The following FLNB variants were observed in gnomAD, a reference collection of about 807,000 sequenced individuals.
FLNB encodes the protein filamin B.
FLNB carries 111 observed loss-of-function variants against 250.6 expected under a neutral mutation model. The ratio of observed to expected loss-of-function variants is 0.44; its 90% CI spans 0.38 to 0.52. The LOEUF (loss-of-function observed/expected upper bound fraction) is 0.52. Ranked by LOEUF, FLNB falls within the 20% of genes least tolerant of loss-of-function variation. The pLI is 0.00. For missense variants in FLNB, 2,869 were observed against 3,447.8 expected (o/e 0.83, Z 4.20); for synonymous variants, 1,302 against 1,372.1 (o/e 0.95, Z 1.13).
intron 14 of FLNB, 96 bp downstream of exon 14, chr3:58,109,418 A>G (rs1487324670): frequency 6.3e-7 from 1 of 1,585,230 alleles, no homozygotes; most frequent in Non-Finnish European, 8.6e-7. Flanking sequence ...AGACATATGG[A>G]AGGAACCCAT....
intron 43 of FLNB, chr3:58,165,353 G>A (rs1376843690): frequency 6.6e-6 from 1 of 152,272 alleles, no homozygotes; most frequent in Non-Finnish European, 1.5e-5. Flanking sequence ...AGCCAGGAGG[G>A]GAGAGGTACA....
chr3:58,042,731 C>A (rs1038082390), intron 1 of FLNB, among the ~76,000 whole-genome samples: 1 of 152,082 alleles, frequency 6.6e-6, no homozygotes, highest in Admixed American at 6.5e-5. Flanking sequence ...GTTGCCCAGG[C>A]TGGTCTCGAA....
rs754939627 is a variant in FLNB, at chr3:58,170,618, C to G, written c.7665C>G (p.Pro2555=). ...LLIGVHGPTT[P]CEEVSMKHVG... ...TCGGGGTCCATGGGCCCACCACCCC[C>G]TGCGAGGAGGTCTCCATGAAGCATG... The change falls in exon 46 of 46, where the codon CCC becomes CCG. Residue 2555 remains proline, a synonymous_variant. Transcript: ENST00000295956. The G allele has an allele frequency of 6.2e-7, 1 of 1,614,128 alleles. No homozygotes were observed. Among genetic ancestry groups the G allele is most frequent in the Non-Finnish European group, 8.5e-7 (1 of 1,179,998 alleles).
At chr3:58,100,475 G>A (rs191736009) in intron 8 of FLNB, among the ~76,000 whole-genome samples, 406 of 149,066 alleles carry the variant, frequency 2.7e-3, no homozygotes, top group Admixed American at 3.9e-3. Flanking sequence ...TTGTAGCCTC[G>A]ACCTCCCAGG....
chr3:58,051,801 A>T (rs764679793), intron 1 of FLNB, among the ~76,000 whole-genome samples: 2 of 152,074 alleles, frequency 1.3e-5, no homozygotes, highest in Non-Finnish European at 2.9e-5. Context: ...AGATAGGACC[A>T]AGGTCATATC....
intron 2 of FLNB, 48 bp from the exon 3 acceptor site, chr3:58,078,669 C>A: frequency 6.4e-7 from 1 of 1,567,080 alleles, no homozygotes; most frequent in Non-Finnish European, 8.7e-7. Flanking sequence ...TTCCTTTAAT[C>A]TCTTTGGTCA....
rs377737248 is a variant in FLNB at position 58,102,224 on chromosome 3, G to T, written c.1367G>T (p.Arg456Leu). 18 of 1,614,098 alleles carry T rather than the reference G, an allele frequency of 1.1e-5. No homozygotes were observed. Among genetic ancestry groups the T allele is most frequent in the African/African-American group, 5.3e-5 (4 of 74,940 alleles). ...GCAGCCTGCAATCCAAATGCCTGCC[G>T]GGCCAGTGGCCGAGGCCTACAACCC... ...VGEACNPNAC[R>L]ASGRGLQPKG... The change falls in exon 9 of 46, where the codon CGG (arginine) becomes CTG (leucine). Residue 456 changes from arginine to leucine, a missense_variant. By Grantham distance (102) the Arg-to-Leu change is moderately radical. Transcript: ENST00000295956.
At chr3:58,100,308 CCTTTTT>C (rs1000451846) in intron 8 of FLNB, among the ~76,000 whole-genome samples, 1 of 148,510 alleles carries the variant, frequency 6.7e-6, no homozygotes, top group Admixed American at 6.7e-5. Context: ...TAATGAATAA[CCTTTTT>C]CTTTTAATTT....
rs1023211438 is a variant in FLNB, at chr3:58,171,298, A to G, written c.*536A>G. ...ACCGCTCCTCATCGCCAACACCCCC[A>G]TGCTCTGTGGCCTTCTTACACTTCT... On this transcript the variant is annotated 3_prime_UTR_variant, in exon 46 of 46. Transcript: ENST00000295956. The surrounding 1 kb of genome is among the most constrained non-coding windows in gnomAD (Gnocchi z 5.5). 1.8e-5 allele frequency: 3 copies of G among 165,988 alleles called. No individual in the cohort carries two copies. The highest frequency in any genetic ancestry group is 3.9e-5 in the Non-Finnish European group (3 of 76,720). The allele number at this position is 165,988 out of a possible 1,614,324, so 10.3% of individuals were successfully genotyped here.
intron 1 of FLNB, among the ~76,000 whole-genome samples, chr3:58,044,630 G>A (rs1028530566): frequency 2.6e-5 from 4 of 151,958 alleles, no homozygotes; most frequent in Non-Finnish European, 4.4e-5. Context: ...GTCTCAAAAA[G>A]TAAAAAATTC....
At chr3:58,011,202 G>A (rs839245) in intron 1 of FLNB, among the ~76,000 whole-genome samples, 17,080 of 151,988 alleles carry the variant, frequency 0.11, 1,774 homozygotes, top group East Asian at 0.44. Flanking sequence ...CTGAGCCACC[G>A]CGCCCAGCCC....
At position 58,096,681 on chromosome 3, in the gene FLNB, G is replaced by A. The variant is rs144571162; in HGVS notation, c.984+463G>A. On this transcript the variant is annotated intron_variant, in intron 6 of 45. Transcript: ENST00000295956. Reference sequence around the variant, plus strand: ...CCACAACCACTCCCAGCTAATTTTTGCATTTTTAGTAGAGACCAGGTTTCA... The same window carrying A: ...CCACAACCACTCCCAGCTAATTTTTACATTTTTAGTAGAGACCAGGTTTCA... 1.4e-4 allele frequency among the ~76,000 whole-genome samples: 22 copies of A among 152,108 alleles called. No individual in the cohort carries two copies. In the East Asian group the frequency reaches 4.1e-3, roughly 28 times the overall value.
chr3:58,011,264 C>G (rs760407221), intron 1 of FLNB, among the ~76,000 whole-genome samples: 1 of 152,132 alleles, frequency 6.6e-6, no homozygotes, highest in African/African-American at 2.4e-5. Flanking sequence ...TCCCATTGTC[C>G]CGACGTTCCA....
intron 24 of FLNB, 29 bp downstream of exon 24, chr3:58,126,791 A>G: frequency 1.9e-6 from 3 of 1,605,826 alleles, no homozygotes; most frequent in Non-Finnish European, 2.6e-6. Context: ...AGGACCCCAG[A>G]GAATAATTGA....
chr3:58,056,105 A>ATTTTTTT (rs781244971), intron 1 of FLNB, among the ~76,000 whole-genome samples: 12 of 128,728 alleles, frequency 9.3e-5, no homozygotes, highest in African/African-American at 3.9e-4. Flanking sequence ...TTATTTATTT[A>ATTTTTTT]TTTTTTTTTT....
At chr3:58,021,025 C>A (rs7634753) in intron 1 of FLNB, among the ~76,000 whole-genome samples, 1 of 151,858 alleles carries the variant, frequency 6.6e-6, no homozygotes, top group Non-Finnish European at 1.5e-5. Flanking sequence ...CAGTTTCCCC[C>A]GTGTCCCAAG....
chr3:58,094,247 T>C (rs1307623919), intron 4 of FLNB, among the ~76,000 whole-genome samples: 1 of 152,180 alleles, frequency 6.6e-6, no homozygotes, highest in Admixed American at 6.5e-5. Flanking sequence ...GTTGTATTTT[T>C]AGTAGAGACA....
chr3:58,118,980 C>A lies in FLNB; in HGVS notation c.2854C>A (p.Leu952Met). Residue 952 changes from leucine (L) to methionine (M), a missense_variant, in exon 19 of 46, where the codon CTG becomes ATG. Transcript: ENST00000295956. The stretch of plus-strand genomic sequence containing the variant: ...TCTGAGCAAGATAAAACTCAATGGG[C>A]TGGAAAACAGTAAGTGCCTGAATGG... Reference protein sequence around the residue: ...LDLSKIKLNGLENRVEVGKDQ... With the variant: ...LDLSKIKLNGMENRVEVGKDQ... The A allele has an allele frequency of 3.1e-6, 5 of 1,611,736 alleles. No homozygotes were observed. Among genetic ancestry groups the A allele is most frequent in the Non-Finnish European group, 4.2e-6 (5 of 1,177,826 alleles).
intron 1 of FLNB, among the ~76,000 whole-genome samples, chr3:58,012,994 C>T (rs1192019155): frequency 6.6e-6 from 1 of 152,170 alleles, no homozygotes; most frequent in Non-Finnish European, 1.5e-5. Context: ...TAAGGTAGGC[C>T]CCTAGGCGCC....
Sources: allele counts gnomAD v4.1 joint callset (sites outside exome capture counted in the v4.1 genomes callset), GRCh38; gene constraint gnomAD v4.1.1; non-coding constraint Gnocchi (gnomAD v3.1); transcripts MANE v1.5; gene names NCBI Gene and HGNC (gene_info 2026-07-23, HGNC 2026-07-21).